Variants in SUCLG2 observed in about 807,000 individuals in gnomAD.
The protein encoded by SUCLG2 is succinate-CoA ligase GDP-forming subunit beta, also known as succinate--CoA ligase [GDP-forming] subunit beta, mitochondrial.
In SUCLG2, 42 loss-of-function variants were observed where a neutral mutation model predicts 47.9. That is an observed-to-expected ratio of 0.88 (90% CI 0.69 to 1.14). The LOEUF (loss-of-function observed/expected upper bound fraction) is 1.14. Ranked by LOEUF, SUCLG2 falls within the 50% of genes most tolerant of loss-of-function variation. The pLI is 0.00. For synonymous variants in SUCLG2, 195 were observed against 197.3 expected, an observed-to-expected ratio of 0.99 and a Z score of 0.10; for missense variants, 571 against 525.9, an observed-to-expected ratio of 1.09 and a Z score of -0.84.
At chr3:67,457,907 C>G (rs1198213493) in intron 9 of SUCLG2, among the ~76,000 whole-genome samples, 2 of 152,042 alleles carry the variant, frequency 1.3e-5, no homozygotes, top group African/African-American at 2.4e-5. Context: ...TGGATCCTGG[C>G]TGAGTCTGTG....
At chr3:67,401,614 G>C (rs1254453570) in intron 9 of SUCLG2, among the ~76,000 whole-genome samples, 1 of 148,158 alleles carries the variant, frequency 6.7e-6, no homozygotes, top group Non-Finnish European at 1.5e-5. Flanking sequence ...GTCCTGACTT[G>C]ATAACTAGGC....
At chr3:67,430,823 C>T (rs1436667895) in intron 9 of SUCLG2, among the ~76,000 whole-genome samples, 2 of 152,094 alleles carry the variant, frequency 1.3e-5, no homozygotes, top group Non-Finnish European at 2.9e-5. Flanking sequence ...ACTATAAACA[C>T]CTCTACACAA....
At position 67,375,860 on chromosome 3, in the gene SUCLG2, C is replaced by G; in HGVS notation, c.1184-1G>C. On this transcript the variant is annotated splice_acceptor_variant, in intron 10 of 10. Transcript: ENST00000307227. LOFTEE classifies it high-confidence loss of function. The stretch of plus-strand genomic sequence containing the variant: ...TTCTGGGCCTCTTGGACGTTGGTTC[C>G]TAGAAGGGGGACAGGGAACAATCAC... The G allele has an allele frequency of 6.2e-7, 1 of 1,612,736 alleles. No individual in the cohort carries two copies. The highest frequency in any genetic ancestry group is 8.5e-7 in the Non-Finnish European group (1 of 1,179,432).
chr3:67,456,907 TAAAC>T (rs1023367552), intron 9 of SUCLG2, among the ~76,000 whole-genome samples: 6 of 152,100 alleles, frequency 3.9e-5, no homozygotes, highest in Admixed American at 3.9e-4. Context: ...AATGTGGACA[TAAAC>T]AACTCCAGGT....
intron 10 of SUCLG2, among the ~76,000 whole-genome samples, chr3:67,368,929 G>A (rs774075858): frequency 4.6e-5 from 7 of 152,094 alleles, no homozygotes; most frequent in Non-Finnish European, 7.4e-5. Flanking sequence ...TAATGAATCC[G>A]TAACCCACAT....
chr3:67,429,730 G>C (rs1279850096), intron 9 of SUCLG2, among the ~76,000 whole-genome samples: 4 of 152,050 alleles, frequency 2.6e-5, no homozygotes, highest in Non-Finnish European at 4.4e-5. Context: ...ACACACATAG[G>C]CTCAAAATAA....
intron 8 of SUCLG2, among the ~76,000 whole-genome samples, chr3:67,496,604 A>G (rs555513621): frequency 2.6e-4 from 39 of 152,328 alleles, no homozygotes; most frequent in African/African-American, 8.4e-4. Flanking sequence ...TCAAATTAAT[A>G]TAAGCAATGC....
intron 9 of SUCLG2, among the ~76,000 whole-genome samples, chr3:67,441,645 C>A (rs1162141552): frequency 6.6e-6 from 1 of 152,158 alleles, no homozygotes; most frequent in Admixed American, 6.5e-5. Context: ...AGTTGCTCAA[C>A]TTTAGGATCT....
chr3:67,501,690 G>GAATA (rs1228758463), intron 7 of SUCLG2, among the ~76,000 whole-genome samples: 1 of 152,082 alleles, frequency 6.6e-6, no homozygotes, highest in Non-Finnish European at 1.5e-5. Flanking sequence ...GCTCCAGAAA[G>GAATA]AATAACAGAT....
At chr3:67,399,763 G>A (rs917474579) in intron 10 of SUCLG2, among the ~76,000 whole-genome samples, 2 of 152,114 alleles carry the variant, frequency 1.3e-5, no homozygotes, top group Non-Finnish European at 2.9e-5. Context: ...GGTTTTAATG[G>A]AATATGAAAA....
chr3:67,415,372 C>T (rs1703015646), intron 9 of SUCLG2, among the ~76,000 whole-genome samples: 1 of 152,136 alleles, frequency 6.6e-6, no homozygotes, highest in Admixed American at 6.5e-5. Flanking sequence ...GCTGAAGTAG[C>T]TAACACTTCT....
chr3:67,399,081 T>A (rs1022200875), intron 10 of SUCLG2, among the ~76,000 whole-genome samples: 6 of 149,726 alleles, frequency 4.0e-5, no homozygotes, highest in African/African-American at 1.5e-4. Context: ...AAATGACGAG[T>A]TAATCGGTGC....
At chr3:67,469,391 A>G (rs1206675229) in intron 9 of SUCLG2, among the ~76,000 whole-genome samples, 1 of 152,224 alleles carries the variant, frequency 6.6e-6, no homozygotes, top group Non-Finnish European at 1.5e-5. Context: ...CCTTTACCCT[A>G]GGCCTCACAT....
At position 67,629,461 on chromosome 3, in the gene SUCLG2, A is replaced by G. The variant is rs150733384; in HGVS notation, c.85-19865T>C. The stretch of plus-strand genomic sequence containing the variant: ...TTATTATAAAGGATAAACCTCAGAA[A>G]TGGCCAAATGGAAGAGATGCAATAG... On this transcript the variant is annotated intron_variant, in intron 1 of 10. Coordinates refer to ENST00000307227, the MANE Select transcript of SUCLG2 (RefSeq NM_003848.4). Among the ~76,000 whole-genome samples, 43 of 152,054 alleles carry G rather than the reference A, an allele frequency of 2.8e-4. No homozygotes were observed. In the East Asian group the frequency reaches 8.4e-3, roughly 30 times the overall value.
chr3:67,576,084 T>C (rs1294771423), intron 2 of SUCLG2, among the ~76,000 whole-genome samples: 1 of 152,178 alleles, frequency 6.6e-6, no homozygotes, highest in Non-Finnish European at 1.5e-5. Context: ...GCTGAATGAA[T>C]ATATTGGAAA....
At chr3:67,406,917 G>C (rs1702825528) in intron 9 of SUCLG2, among the ~76,000 whole-genome samples, 2 of 152,124 alleles carry the variant, frequency 1.3e-5, no homozygotes, top group Non-Finnish European at 2.9e-5. Context: ...TAGCTATTAA[G>C]CAGTTACAGT....
chr3:67,606,584 C>T (rs1270945835), intron 2 of SUCLG2, among the ~76,000 whole-genome samples: 3 of 152,166 alleles, frequency 2.0e-5, no homozygotes, highest in African/African-American at 4.8e-5. Context: ...GGCTGGAATA[C>T]AGTACTAACC....
intron 10 of SUCLG2, among the ~76,000 whole-genome samples, chr3:67,365,388 T>A (rs1372849491): frequency 6.6e-6 from 1 of 152,216 alleles, no homozygotes; most frequent in Non-Finnish European, 1.5e-5. Flanking sequence ...GTTCAGATTA[T>A]GAAGTTGTTG....
chr3:67,552,462 A>T (rs1346558820), intron 2 of SUCLG2, among the ~76,000 whole-genome samples: 1 of 152,260 alleles, frequency 6.6e-6, no homozygotes, highest in Non-Finnish European at 1.5e-5. Flanking sequence ...GATGAGGTAC[A>T]AAAGTCAGAG....
Sources: gnomAD v4.1 joint callset for allele counts (sites outside exome capture counted in the v4.1 genomes callset) on GRCh38, gnomAD v4.1.1 for gene constraint, MANE v1.5 for transcripts, NCBI Gene and HGNC (gene_info 2026-07-23, HGNC 2026-07-21) for gene names.